DOCK9: variants seen among roughly 807,000 people sequenced by gnomAD.
DOCK9 encodes dedicator of cytokinesis 9, also known as dedicator of cytokinesis protein 9.
Under a neutral mutation model 263.3 loss-of-function variants are expected in DOCK9, and 89 were observed. The observed-to-expected ratio is 0.34, with a 90% CI of 0.28 to 0.40. The LOEUF is 0.40. Among genes scored for constraint, DOCK9 ranks in the 10% least tolerant of loss-of-function variants. The probability of loss-of-function intolerance (pLI) is 1.00; values close to 1 mark genes in which losing one functional copy is unlikely to be tolerated. For missense variants in DOCK9, 2,140 were observed against 2,603.4 expected (o/e 0.82, Z 3.87); for synonymous variants, 976 against 973.1 (o/e 1.00, Z -0.06).
chr13:98,899,586 T>C (rs1351128778), intron 13 of DOCK9, among the ~76,000 whole-genome samples: 1 of 152,134 alleles, frequency 6.6e-6, no homozygotes, highest in Admixed American at 6.5e-5. Flanking sequence ...TGGGGCGACT[T>C]AGTGGGGTCT....
At chr13:98,879,876 G>C (rs369486871) in intron 27 of DOCK9, 22 bp downstream of exon 27, 1 of 1,583,788 alleles carries the variant, frequency 6.3e-7, no homozygotes, top group Non-Finnish European at 8.6e-7. Flanking sequence ...AAGAACACAA[G>C]CTTCCACTTG....
At chr13:99,052,781 T>G (rs1368895201) in intron 1 of DOCK9, among the ~76,000 whole-genome samples, 2 of 152,080 alleles carry the variant, frequency 1.3e-5, no homozygotes, top group African/African-American at 2.4e-5. Flanking sequence ...TTTTTTTTTT[T>G]TAAGTAGAGA....
At position 99,005,525 on chromosome 13, in the gene DOCK9, A is replaced by C. The variant is rs187126051; in HGVS notation, c.130-49974T>G. Among the ~76,000 whole-genome samples, 692 of 152,354 alleles carry C rather than the reference A, an allele frequency of 4.5e-3. 4 individuals carry two copies. The highest frequency in any genetic ancestry group is 0.037 in the Middle Eastern group (11 of 294). On this transcript the variant is annotated intron_variant, in intron 1 of 32. Transcript: ENST00000427887. ...TTTTCTTCCAATTGTTGCAAAGCCTAGTATATAAAAGAACATAAAATATAA... is the reference window on the plus strand; with the variant it reads ...TTTTCTTCCAATTGTTGCAAAGCCTCGTATATAAAAGAACATAAAATATAA...
intron 1 of DOCK9, among the ~76,000 whole-genome samples, chr13:99,064,589 A>G (rs549214587): frequency 2.4e-4 from 37 of 152,350 alleles, no homozygotes; most frequent in African/African-American, 8.4e-4. Context: ...AGGCATAACA[A>G]AATAAATTAC....
At chr13:98,855,749 A>T in intron 34 of DOCK9, 149 bp downstream of exon 34, 2 of 834,350 alleles carry the variant, frequency 2.4e-6, no homozygotes, top group Non-Finnish European at 3.8e-6. Flanking sequence ...CCCCAACCTT[A>T]AAGCTCTCAT....
In DOCK9 at chr13:99,069,735, A is replaced by G. The variant is rs2041587044; in HGVS notation, c.129+16488T>C. On this transcript the variant is annotated intron_variant, in intron 1 of 32. Coordinates refer to the DOCK9 transcript ENST00000427887. The stretch of plus-strand genomic sequence containing the variant: ...ACTTTCATGTCACGCATTTCTATAA[A>G]CCTAGAGAATTAGTGGTACTTTCCA... Among the ~76,000 whole-genome samples, 2 of 152,228 alleles carry G rather than the reference A, an allele frequency of 1.3e-5. 1 individual carries two copies. Among genetic ancestry groups the G allele is most frequent in the Admixed American group, 1.3e-4 (2 of 15,288 alleles).
intron 1 of DOCK9, among the ~76,000 whole-genome samples, chr13:99,021,206 T>C (rs375877567): frequency 5.1e-4 from 77 of 152,368 alleles, no homozygotes; most frequent in African/African-American, 1.8e-3. Flanking sequence ...CCAAATTAAA[T>C]GGTTTTCTTC....
intron 1 of DOCK9, among the ~76,000 whole-genome samples, chr13:98,975,734 C>G (rs944140608): frequency 2.0e-5 from 3 of 152,158 alleles, no homozygotes; most frequent in African/African-American, 7.2e-5. Flanking sequence ...TAACTAAAAA[C>G]AGCAAAACTT....
rs760458395 is a variant in DOCK9, at chr13:98,807,723, G to A, written c.5452C>T (p.Leu1818Phe). ...TPLSEISQRL[L>F]KLYSDKFGSE... is the part of the protein sequence containing the mutation. ...CCAAATTTATCCGAGTACAGTTTAAGGAGTCTCTGAGAAATTTCCGACAGC... is the reference window on the plus strand; with the variant it reads ...CCAAATTTATCCGAGTACAGTTTAAAGAGTCTCTGAGAAATTTCCGACAGC... Residue 1818 changes from leucine to phenylalanine, a missense_variant, in exon 48 of 53, where the codon CTT becomes TTT. Around this residue, in one of 2 missense-constraint regions of DOCK9, gnomAD observed 619 missense variants for 861.8 expected, o/e 0.72. Transcript: ENST00000682017. 2 of 1,613,744 alleles carry A rather than the reference G, an allele frequency of 1.2e-6. No homozygotes were observed. The highest frequency in any genetic ancestry group is 2.2e-5 in the South Asian group (2 of 91,048).
At chr13:98,914,794 T>C (rs1317952426) in intron 8 of DOCK9, among the ~76,000 whole-genome samples, 2 of 152,100 alleles carry the variant, frequency 1.3e-5, no homozygotes, top group African/African-American at 2.4e-5. Context: ...GAAGCCAGGG[T>C]TGGGAATCAC....
chr13:99,071,167 G>C (rs1209000854), intron 1 of DOCK9, among the ~76,000 whole-genome samples: 1 of 151,988 alleles, frequency 6.6e-6, no homozygotes, highest in African/African-American at 2.4e-5. Flanking sequence ...TTTTGACACA[G>C]GGTCTTGCTC....
intron 1 of DOCK9, among the ~76,000 whole-genome samples, chr13:99,064,632 T>C (rs2041337082): frequency 6.6e-6 from 1 of 152,242 alleles, no homozygotes; most frequent in Non-Finnish European, 1.5e-5. Flanking sequence ...AATAACTATT[T>C]ATGAGCTTAC....
intron 45 of DOCK9, among the ~76,000 whole-genome samples, chr13:98,811,529 G>A (rs1266847685): frequency 6.6e-6 from 1 of 151,942 alleles, no homozygotes; most frequent in Non-Finnish European, 1.5e-5. Context: ...TGTAACCTCT[G>A]TCTCCCAAGT....
chr13:98,982,135 C>T (rs1272266096), upstream of DOCK9, among the ~76,000 whole-genome samples: 1 of 152,182 alleles, frequency 6.6e-6, no homozygotes, highest in Non-Finnish European at 1.5e-5. Flanking sequence ...ATGAATGCTT[C>T]TGTAATGGGG....
chr13:98,811,582 T>G (rs544198211), intron 45 of DOCK9, among the ~76,000 whole-genome samples: 1 of 152,308 alleles, frequency 6.6e-6, no homozygotes, highest in South Asian at 2.1e-4. Context: ...CACTAATTTT[T>G]TGTATTTTTA....
chr13:98,981,251 T>A (rs1371996165), upstream of DOCK9, among the ~76,000 whole-genome samples: 2 of 152,024 alleles, frequency 1.3e-5, no homozygotes, highest in Non-Finnish European at 2.9e-5. Flanking sequence ...AAGACAGGAT[T>A]TCACCATGTT....
chr13:99,058,131 A>ATT (rs1051638275), intron 1 of DOCK9, among the ~76,000 whole-genome samples: 5 of 151,014 alleles, frequency 3.3e-5, no homozygotes, highest in African/African-American at 1.2e-4. Flanking sequence ...GGGTGGGGTG[A>ATT]TTCTGACCCA....
chr13:98,806,770 G>A (rs573094709), intron 48 of DOCK9, among the ~76,000 whole-genome samples: 5 of 152,036 alleles, frequency 3.3e-5, no homozygotes, highest in Non-Finnish European at 7.4e-5. Context: ...TTAGCCAGGC[G>A]TGGTGGCGCG....
intron 38 of DOCK9, 25 bp downstream of exon 38, chr13:98,845,899 T>C (rs1408829892): frequency 1.2e-6 from 2 of 1,611,312 alleles, no homozygotes; most frequent in Non-Finnish European, 1.7e-6. Flanking sequence ...GGCTGGCTGT[T>C]ACGATGGCAT....
Sources: allele counts gnomAD v4.1 joint callset (sites outside exome capture counted in the v4.1 genomes callset), GRCh38; gene constraint gnomAD v4.1.1; regional missense constraint gnomAD v4.1.1; transcripts MANE v1.5; gene names NCBI Gene and HGNC (gene_info 2026-07-23, HGNC 2026-07-21).